RTN4: variants seen among roughly 807,000 people sequenced by gnomAD.
RTN4 encodes reticulon 4, also known as reticulon-4.
RTN4 carries 32 observed loss-of-function variants against 90.4 expected under a neutral mutation model. That is an observed-to-expected ratio of 0.35 (90% confidence interval 0.27 to 0.48). The LOEUF is 0.48. Among genes scored for constraint, RTN4 ranks in the 20% least tolerant of loss-of-function variants. The pLI is 0.99. For synonymous variants in RTN4, 629 were observed against 552.5 expected (o/e 1.14, Z -1.94); for missense variants, 1,706 against 1,430.2 (o/e 1.19, Z -3.11).
chr2:55,065,330 CT>C, intron 2 of RTN4, among the ~76,000 whole-genome samples: 1 of 152,280 alleles, frequency 6.6e-6, no homozygotes, highest in East Asian at 1.9e-4. Context: ...CCTTCTACTG[CT>C]ATTTGCTAGT....
At chr2:55,004,328 C>G (rs545419915) in intron 3 of RTN4, among the ~76,000 whole-genome samples, 1 of 152,228 alleles carries the variant, frequency 6.6e-6, no homozygotes, top group South Asian at 2.1e-4. Flanking sequence ...TTTGGTTATT[C>G]AAGTGCAAAT....
At chr2:55,016,741 G>T (rs144607808) in intron 3 of RTN4, among the ~76,000 whole-genome samples, 1 of 152,024 alleles carries the variant, frequency 6.6e-6, no homozygotes, top group Non-Finnish European at 1.5e-5. Context: ...AGCGTGTATT[G>T]TATGTCAGAC....
intron 2 of RTN4, among the ~76,000 whole-genome samples, chr2:55,069,033 G>C (rs987619842): frequency 2.6e-5 from 4 of 152,318 alleles, no homozygotes; most frequent in Non-Finnish European, 2.9e-5. Context: ...AAATTAGAGA[G>C]AAGTGGCACA....
At chr2:54,999,226 C>T (rs879563861) in intron 3 of RTN4, among the ~76,000 whole-genome samples, 1 of 152,168 alleles carries the variant, frequency 6.6e-6, no homozygotes, top group Non-Finnish European at 1.5e-5. Context: ...CAAAATAACT[C>T]AGTACACTTA....
At chr2:55,016,554 A>AG (rs1445609669) in intron 3 of RTN4, among the ~76,000 whole-genome samples, 1 of 152,250 alleles carries the variant, frequency 6.6e-6, no homozygotes. Context: ...CTGCTACTCC[A>AG]GCCTGAGTGA....
At chr2:55,118,333 T>C in the RTN4 span, among the ~76,000 whole-genome samples, 3 of 152,060 alleles carry the variant, frequency 2.0e-5, no homozygotes, top group South Asian at 6.2e-4. Context: ...GGAGAAGTGG[T>C]GTGCCCCTGT....
intron 3 of RTN4, among the ~76,000 whole-genome samples, chr2:55,007,389 CT>C: frequency 6.6e-6 from 1 of 152,240 alleles, no homozygotes; most frequent in Non-Finnish European, 1.5e-5. Context: ...TTACCATTCC[CT>C]ACTTTAAAAC....
In RTN4 at chr2:55,107,202, AT is replaced by A. The variant is rs966362253; in HGVS notation, c.-214+5317del. Among the ~76,000 whole-genome samples, 71 of 146,546 alleles carry A rather than the reference AT, an allele frequency of 4.8e-4. 1 individual carries two copies. The highest frequency in any genetic ancestry group is 3.6e-3 in the Middle Eastern group (1 of 274). On this transcript the variant is annotated intron_variant, in intron 1 of 3. Coordinates refer to the RTN4 transcript ENST00000427710. ...GAGTGAGTTTTGTTTAGTTGCGTGT[AT>A]TTTTTTTTTTCAGTGAATGTCTGGC...
the RTN4 span, among the ~76,000 whole-genome samples, chr2:55,126,975 A>T: frequency 2.6e-5 from 4 of 152,188 alleles, no homozygotes; most frequent in Non-Finnish European, 4.4e-5. Context: ...TAACTTATGA[A>T]CATGAAGGAA....
chr2:54,986,322 G>C (rs1014260250), intron 4 of RTN4, among the ~76,000 whole-genome samples: 2 of 152,096 alleles, frequency 1.3e-5, no homozygotes, highest in African/African-American at 4.8e-5. Flanking sequence ...TCCAATTAGG[G>C]GTCAGCAAAC....
At chr2:55,081,570 AAAG>A (rs1668718270) in intron 1 of RTN4, among the ~76,000 whole-genome samples, 1 of 152,194 alleles carries the variant, frequency 6.6e-6, no homozygotes, top group African/African-American at 2.4e-5. Context: ...TTGATTAAAA[AAAG>A]AGATATCCAG....
chr2:54,989,341 G>C (rs1017563658), intron 3 of RTN4, among the ~76,000 whole-genome samples: 16 of 152,174 alleles, frequency 1.1e-4, no homozygotes, highest in African/African-American at 3.6e-4. Context: ...TTCAAACTCT[G>C]ATTTCAACTA....
chr2:55,021,612 T>G (rs1681448139), intron 3 of RTN4, among the ~76,000 whole-genome samples: 1 of 152,140 alleles, frequency 6.6e-6, no homozygotes, highest in Admixed American at 6.5e-5. Flanking sequence ...CGTAAGCCAT[T>G]GTGACTGGCC....
chr2:55,050,380 G>C lies in RTN4; in HGVS notation c.-80C>G, dbSNP rs1400574510. ...CTCAGAGCCGCGGGCGGTTGTGGGG[G>C]TTGGGGAGGACTGAGAGGGGCTGGG... is the stretch of plus-strand genomic sequence containing the variant. On this transcript the variant is annotated 5_prime_UTR_variant, in exon 1 of 9. Transcript: ENST00000337526. This position sits in a 1 kb window ranked among gnomAD's most constrained non-coding sequence, Gnocchi z 4.6. 4 of 923,542 alleles carry C rather than the reference G, an allele frequency of 4.3e-6. No individual in the cohort carries two copies. Among genetic ancestry groups the C allele is most frequent in the Non-Finnish European group, 6.0e-6 (4 of 667,974 alleles). The allele number at this position is 923,542 out of a possible 1,614,324, so 57.2% of individuals were successfully genotyped here. A position where few individuals can be genotyped will look rare whatever the true frequency, so the allele number is the denominator to read the frequency against.
At chr2:55,127,734 G>T in the RTN4 span, among the ~76,000 whole-genome samples, 1 of 152,158 alleles carries the variant, frequency 6.6e-6, no homozygotes, top group Non-Finnish European at 1.5e-5. Context: ...GTCTGATTCT[G>T]TTCCACTGTT....
chr2:55,001,188 C>G (rs1438477435), intron 3 of RTN4, among the ~76,000 whole-genome samples: 1 of 152,094 alleles, frequency 6.6e-6, no homozygotes, highest in Non-Finnish European at 1.5e-5. Context: ...TCAATGTTTA[C>G]TATTCATTTT....
rs1283389230 is a variant in RTN4, at chr2:55,050,025, TC to T, written c.275del (p.Gly92AspfsTer60). Reference sequence around the variant, plus strand: ...CGACGGGGGGAGCGGCCGGCAGGGGTCCCCGGGGCGCCGGCGGCACGAAGTC... The same window carrying T: ...CGACGGGGGGAGCGGCCGGCAGGGGTCCCGGGGCGCCGGCGGCACGAAGTC... ...GNDFVPPAPR[G>X]PLPAAPPVAP... On this transcript the variant is annotated frameshift_variant, in exon 1 of 9. Transcript: ENST00000337526. LOFTEE classifies it high-confidence loss of function. This position sits in a 1 kb window ranked among gnomAD's most constrained non-coding sequence, Gnocchi z 4.6. 5 of 1,385,470 alleles carry T rather than the reference TC, an allele frequency of 3.6e-6. No individual in the cohort carries two copies. Among genetic ancestry groups the T allele is most frequent in the South Asian group, 3.2e-5 (2 of 61,626 alleles). The allele number at this position is 1,385,470 out of a possible 1,614,324, so 85.8% of individuals were successfully genotyped here.
chr2:55,110,909 C>A (rs1411967428), intron 1 of RTN4, among the ~76,000 whole-genome samples: 1 of 152,062 alleles, frequency 6.6e-6, no homozygotes, highest in African/African-American at 2.4e-5. Context: ...GGCGTGGTGG[C>A]ACATGCCTGT....
At chr2:54,987,405 G>C in intron 4 of RTN4, 86 bp downstream of exon 4, 1 of 998,122 alleles carries the variant, frequency 1.0e-6, no homozygotes, top group Non-Finnish European at 1.6e-6. Context: ...ATGCATGCTT[G>C]TAACTCTATA....
Sources: allele counts gnomAD v4.1 joint callset (sites outside exome capture counted in the v4.1 genomes callset), GRCh38; gene constraint gnomAD v4.1.1; non-coding constraint Gnocchi (gnomAD v3.1); transcripts MANE v1.5; gene names NCBI Gene and HGNC (gene_info 2026-07-23, HGNC 2026-07-21).